ZAP70: variants seen among roughly 807,000 people sequenced by gnomAD.
ZAP70 encodes zeta chain of T cell receptor associated protein kinase 70, also known as tyrosine-protein kinase ZAP-70.
A neutral mutation model predicts 65.8 loss-of-function variants in ZAP70; 27 were observed. The observed-to-expected ratio is 0.41, with a 90% confidence interval of 0.30 to 0.57. The LOEUF is 0.57. Ranked by LOEUF, ZAP70 falls within the 20% of genes least tolerant of loss-of-function variation. The pLI is 0.28. For missense variants in ZAP70, 696 were observed against 870.5 expected, an observed-to-expected ratio of 0.80 and a Z score of 2.52; for synonymous variants, 363 against 360.8, an observed-to-expected ratio of 1.01 and a Z score of -0.07.
At chr2:97,719,858 C>T (rs1312065159) in intron 2 of ZAP70, among the ~76,000 whole-genome samples, 2 of 152,200 alleles carry the variant, frequency 1.3e-5, no homozygotes, top group Non-Finnish European at 2.9e-5. Context: ...CCTCTGTCGT[C>T]ACTCCTTCTC....
At position 97,733,128 on chromosome 2, in the gene ZAP70, G is replaced by A; in HGVS notation, c.706G>A (p.Val236Met). 6.2e-7 allele frequency: 1 copy of A among 1,614,034 alleles called. No homozygotes were observed. The highest frequency in any genetic ancestry group is 2.2e-5 in the East Asian group (1 of 44,886). Residue 236 changes from valine to methionine, a missense_variant, in exon 6 of 14, where the codon GTG becomes ATG. By Grantham distance (21) the Val-to-Met change is conservative (BLOSUM62 1). Coordinates refer to ENST00000264972, the MANE Select transcript of ZAP70 (RefSeq NM_001079.4). ...GTKFDTLWQL[V>M]EYLKLKADGL... The stretch of plus-strand genomic sequence containing the variant: ...GCTAGCTGCCTGCTCCCTGCAGCTG[G>A]TGGAGTATCTGAAGCTGAAGGCGGA...
chr2:97,735,525 C>T, intron 10 of ZAP70, 69 bp downstream of exon 10: 2 of 1,535,068 alleles, frequency 1.3e-6, no homozygotes, highest in South Asian at 1.2e-5. Context: ...GGTGGACATG[C>T]ACCCGCGTGC....
At chr2:97,716,343 C>A (rs73959787) in intron 2 of ZAP70, among the ~76,000 whole-genome samples, 18,498 of 152,198 alleles carry the variant, frequency 0.12, 1,790 homozygotes, top group African/African-American at 0.26. Context: ...TTGAGCACCT[C>A]CTCTGTGCCA....
chr2:97,754,864 G>T, the ZAP70 span, among the ~76,000 whole-genome samples: 1,850 of 152,326 alleles, frequency 0.012, 43 homozygotes, highest in African/African-American at 0.042. Context: ...ATTGTACAAG[G>T]CCTGATGTCA....
At chr2:97,756,228 C>A in the ZAP70 span, 2 of 152,180 alleles carry the variant, frequency 1.3e-5, no homozygotes, top group African/African-American at 4.8e-5. Context: ...CAAACCCCGT[C>A]TTAACCTGTC....
intron 2 of ZAP70, among the ~76,000 whole-genome samples, chr2:97,718,617 C>T (rs1677043507): frequency 1.3e-5 from 2 of 152,174 alleles, no homozygotes; most frequent in South Asian, 4.1e-4. Flanking sequence ...GAGAGCCTGC[C>T]TCTGGGACTC....
In ZAP70 at chr2:97,739,772, G is replaced by A. The variant is rs55721260; in HGVS notation, c.*274G>A. ...CTGAGCTGAGGGCATTGCTTACACGGATGCCTTCCCCTGGGCCCTGACATT... is the reference window on the plus strand; with the variant it reads ...CTGAGCTGAGGGCATTGCTTACACGAATGCCTTCCCCTGGGCCCTGACATT... On this transcript the variant is annotated 3_prime_UTR_variant, in exon 14 of 14. Coordinates refer to ENST00000264972, the MANE Select transcript of ZAP70 (RefSeq NM_001079.4). 1.7e-4 allele frequency: 85 copies of A among 508,496 alleles called. 1 individual carries two copies. In the Middle Eastern group the frequency reaches 2.6e-3, roughly 15 times the overall value. 31.5% of individuals were successfully genotyped at this position (508,496 alleles called of 1,614,324 possible).
chr2:97,741,839 G>A (rs982385969), downstream of ZAP70, among the ~76,000 whole-genome samples: 9 of 152,178 alleles, frequency 5.9e-5, no homozygotes, highest in African/African-American at 1.7e-4. Context: ...TATTCCAGAC[G>A]TGTGTCATGA....
the ZAP70 span, among the ~76,000 whole-genome samples, chr2:97,747,623 G>A: frequency 1.3e-5 from 2 of 152,242 alleles, no homozygotes; most frequent in South Asian, 4.1e-4. Context: ...GGGGGAGGTG[G>A]CAGTGTTGAT....
At position 97,732,887 on chromosome 2, in the gene ZAP70, A is replaced by G. The variant is rs1573278256; in HGVS notation, c.568A>G (p.Arg190Gly). Reference protein sequence around the residue: ...GAQTDGKFLLRPRKEQGTYAL... With the variant: ...GAQTDGKFLLGPRKEQGTYAL... ...TCCCCTCCCTTCCCCTGCCAGGCTG[A>G]GGCCGCGGAAGGAGCAGGGCACATA... Residue 190 changes from arginine (R) to glycine (G), a missense_variant, in exon 5 of 14, where the codon AGG becomes GGG. By Grantham distance (125) the Arg-to-Gly change is moderately radical. This residue lies in a region of ZAP70 where 551 missense variants were observed against 630.0 expected (regional missense o/e 0.87). Transcript: ENST00000264972. The G allele has an allele frequency of 6.2e-7, 1 of 1,613,894 alleles. No individual in the cohort carries two copies. The highest frequency in any genetic ancestry group is 8.5e-7 in the Non-Finnish European group (1 of 1,180,020).
the ZAP70 span, among the ~76,000 whole-genome samples, chr2:97,754,547 T>C: frequency 6.6e-6 from 1 of 152,042 alleles, no homozygotes; most frequent in Non-Finnish European, 1.5e-5. Context: ...GGATTACAGA[T>C]GCACAGCACC....
chr2:97,748,861 G>A, the ZAP70 span, among the ~76,000 whole-genome samples: 1 of 152,160 alleles, frequency 6.6e-6, no homozygotes, highest in East Asian at 1.9e-4. Context: ...TCCTGAAAGC[G>A]GAGCCACAGG....
chr2:97,748,536 GAGC>G, the ZAP70 span, among the ~76,000 whole-genome samples: 2 of 152,146 alleles, frequency 1.3e-5, no homozygotes, highest in African/African-American at 2.4e-5. Context: ...GTTCTCCATG[GAGC>G]AGAAGAACCA....
intron 9 of ZAP70, 200 bp downstream of exon 9, chr2:97,734,912 AG>A (rs2104695093): frequency 1.4e-6 from 1 of 739,260 alleles, no homozygotes; most frequent in Non-Finnish European, 2.2e-6. Flanking sequence ...GGGCCTGGGC[AG>A]GGGGAGGCTG....
At chr2:97,754,864 G>C in the ZAP70 span, among the ~76,000 whole-genome samples, 1 of 152,210 alleles carries the variant, frequency 6.6e-6, no homozygotes, top group African/African-American at 2.4e-5. Context: ...ATTGTACAAG[G>C]CCTGATGTCA....
At chr2:97,747,336 T>C in the ZAP70 span, among the ~76,000 whole-genome samples, 4 of 151,860 alleles carry the variant, frequency 2.6e-5, no homozygotes, top group Admixed American at 2.6e-4. Context: ...AACAGATGAG[T>C]AGATAAATGT....
rs1162804234 is a variant in ZAP70 at position 97,723,988 on chromosome 2, G to A, written c.-21-28G>A. 7.8e-6 allele frequency: 12 copies of A among 1,535,192 alleles called. No homozygotes were observed. In the Admixed American group the frequency reaches 1.2e-4, roughly 15 times the overall value. The stretch of plus-strand genomic sequence containing the variant: ...GCACCAGGTTCAGGAAGGCCCTGAC[G>A]TGCCTCCGACCCTCTGTGAACCCGC... On this transcript the variant is annotated intron_variant, in intron 2 of 13. Transcript: ENST00000264972.
At chr2:97,753,357 A>G in the ZAP70 span, among the ~76,000 whole-genome samples, 3 of 152,248 alleles carry the variant, frequency 2.0e-5, no homozygotes, top group South Asian at 2.1e-4. Flanking sequence ...TCAATTGGAA[A>G]GAAAAAACAT....
At chr2:97,728,631 C>T (rs1161925203) in intron 4 of ZAP70, among the ~76,000 whole-genome samples, 6 of 152,210 alleles carry the variant, frequency 3.9e-5, no homozygotes, top group Admixed American at 3.9e-4. Flanking sequence ...TTTAATTGTA[C>T]CCAGGGCTGT....
Sources: gnomAD v4.1 joint callset for allele counts (sites outside exome capture counted in the v4.1 genomes callset) on GRCh38, gnomAD v4.1.1 for gene constraint, gnomAD v4.1.1 regional missense constraint, MANE v1.5 for transcripts, NCBI Gene and HGNC (gene_info 2026-07-23, HGNC 2026-07-21) for gene names.